The following MPDZ variants were observed in gnomAD, a reference collection of about 807,000 sequenced individuals.
MPDZ encodes the protein multiple PDZ domain crumbs cell polarity complex component.
A neutral mutation model predicts 239.1 loss-of-function variants in MPDZ; 234 were observed. The observed-to-expected ratio is 0.98, with a 90% CI of 0.88 to 1.09. The LOEUF (loss-of-function observed/expected upper bound fraction) is 1.09, where lower values mean the gene tolerates loss of function less well. Among genes scored for constraint, MPDZ ranks in the 50% least tolerant of loss-of-function variants. The pLI is 0.00. For synonymous variants in MPDZ, 1,048 were observed against 881.3 expected, an observed-to-expected ratio of 1.19 and a Z score of -3.35; for missense variants, 3,175 against 2,510.0, an observed-to-expected ratio of 1.26 and a Z score of -5.66.
intron 12 of MPDZ, among the ~76,000 whole-genome samples, chr9:13,198,323 T>C (rs1308853630): frequency 6.6e-6 from 1 of 152,194 alleles, no homozygotes; most frequent in Non-Finnish European, 1.5e-5. Context: ...CATTGTAGTT[T>C]TGACTTGCAT....
In MPDZ at chr9:13,126,681, G is replaced by A. The variant is rs200727071; in HGVS notation, c.4556C>T (p.Thr1519Met). 108 of 1,613,334 alleles carry A rather than the reference G, an allele frequency of 6.7e-5. No homozygotes were observed. Among genetic ancestry groups the A allele is most frequent in the Non-Finnish European group, 8.2e-5 (97 of 1,179,520 alleles). ...GACAGCAAGAAAGGTAAACCTCACC[G>A]TGGCTGCTACCCCATGCTCTGTTAA... is the stretch of plus-strand genomic sequence containing the variant. ...KSLTEHGVAA[T>M]DGRLKVGDQI... The change falls in exon 33 of 47, where the codon ACG becomes ATG. Residue 1519 changes from threonine (T) to methionine (M), a missense_variant and splice_region_variant. Thr to Met is a moderately conservative substitution (Grantham distance 81, BLOSUM62 -1). Coordinates refer to ENST00000319217, the MANE Select transcript of MPDZ (RefSeq NM_001378778.1).
intron 1 of MPDZ, among the ~76,000 whole-genome samples, chr9:13,259,260 T>A (rs1224111000): frequency 6.6e-6 from 1 of 151,964 alleles, no homozygotes; most frequent in Non-Finnish European, 1.5e-5. Flanking sequence ...GCGATTCTCC[T>A]GCCTCAGTCT....
intron 22 of MPDZ, among the ~76,000 whole-genome samples, chr9:13,165,744 C>A (rs1950999004): frequency 6.6e-6 from 1 of 152,124 alleles, no homozygotes; most frequent in Non-Finnish European, 1.5e-5. Context: ...TAAGCAGCTG[C>A]TGCTAAGCAC....
At chr9:13,190,392 T>C (rs1021538763) in intron 15 of MPDZ, 93 bp from the exon 16 acceptor site, 2 of 1,136,006 alleles carry the variant, frequency 1.8e-6, no homozygotes, top group Admixed American at 7.5e-5. Flanking sequence ...CCAGCATCTG[T>C]CCAAACAAAA....
chr9:13,191,447 T>G (rs1316165477), intron 15 of MPDZ, among the ~76,000 whole-genome samples: 6 of 152,140 alleles, frequency 3.9e-5, no homozygotes, highest in Admixed American at 3.9e-4. Context: ...GAAAAGCTGA[T>G]TAGCTCCATT....
At chr9:13,154,235 A>G (rs1324164863) in intron 24 of MPDZ, among the ~76,000 whole-genome samples, 1 of 152,186 alleles carries the variant, frequency 6.6e-6, no homozygotes, top group East Asian at 1.9e-4. Flanking sequence ...AACCAGACTC[A>G]TTTATTCACT....
intron 1 of MPDZ, among the ~76,000 whole-genome samples, chr9:13,255,072 T>C (rs1473672337): frequency 1.3e-5 from 2 of 152,234 alleles, no homozygotes; most frequent in African/African-American, 4.8e-5. Context: ...TAAGGTTATG[T>C]AATAGCCTCA....
In MPDZ at chr9:13,121,881, G is replaced by A; in HGVS notation, c.5089C>T (p.Leu1697=). The change falls in exon 38 of 47, where the codon CTG becomes TTG. Residue 1697 remains leucine (L), a synonymous_variant. Coordinates refer to ENST00000319217, the MANE Select transcript of MPDZ (RefSeq NM_001378778.1). The part of the protein sequence containing the change: ...KATHDEAINV[L]RQTPQRVRLT... The stretch of plus-strand genomic sequence containing the variant: ...CGCACTCTCTGTGGCGTCTGTCTCA[G>A]GACATTGATTGCTTCATCATGTGTG... 8 of 1,613,838 alleles carry A rather than the reference G, an allele frequency of 5.0e-6. No homozygotes were observed. Among genetic ancestry groups the A allele is most frequent in the Non-Finnish European group, 6.8e-6 (8 of 1,179,852 alleles).
At chr9:13,202,035 A>AT (rs1311492431) in intron 12 of MPDZ, among the ~76,000 whole-genome samples, 3 of 151,958 alleles carry the variant, frequency 2.0e-5, no homozygotes, top group Non-Finnish European at 4.4e-5. Context: ...CAATCCTTGT[A>AT]TTTTTACATT....
rs550562149 is a variant in MPDZ, at chr9:13,219,797, CTA to C, written c.877-31_877-30del. 3,522 of 1,587,488 alleles carry C rather than the reference CTA, an allele frequency of 2.2e-3. 6 individuals are homozygous for C. The highest frequency in any genetic ancestry group is 2.8e-3 in the Non-Finnish European group (3,222 of 1,157,712). ...AGTAAAACAATATTGAATAATTAGA[CTA>C]TTATTATTTTAACTGCAACAGATAA... On this transcript the variant is annotated intron_variant, in intron 7 of 46. Coordinates refer to ENST00000319217, the MANE Select transcript of MPDZ (RefSeq NM_001378778.1).
chr9:13,236,553 T>A (rs1964099891), intron 3 of MPDZ, among the ~76,000 whole-genome samples: 1 of 151,416 alleles, frequency 6.6e-6, no homozygotes, highest in East Asian at 2.0e-4. Context: ...AGTGCTGGGA[T>A]TACAGGCGTG....
intron 44 of MPDZ, among the ~76,000 whole-genome samples, chr9:13,110,422 T>A (rs1389006797): frequency 6.6e-6 from 1 of 152,192 alleles, no homozygotes; most frequent in African/African-American, 2.4e-5. Context: ...TTTTTCCCCT[T>A]AAAGTATAAA....
Position 13,229,615 on chromosome 9 carries a change from C to T in MPDZ, c.184-5032G>A, listed in dbSNP as rs551175126. Among the ~76,000 whole-genome samples the T allele has an allele frequency of 5.8e-3, 873 of 150,766 alleles. 12 individuals are homozygous for T. Among genetic ancestry groups the T allele is most frequent in the African/African-American group, 0.02 (836 of 41,126 alleles). Reference sequence around the variant, plus strand: ...ACACACACACACACACCCCCATCCACCCCACACACAATTACCTTAGATTTG... The same window carrying T: ...ACACACACACACACACCCCCATCCATCCCACACACAATTACCTTAGATTTG... On this transcript the variant is annotated intron_variant, in intron 3 of 46. Coordinates refer to ENST00000319217, the MANE Select transcript of MPDZ (RefSeq NM_001378778.1).
At chr9:13,156,937 A>AT (rs1563923061) in intron 24 of MPDZ, among the ~76,000 whole-genome samples, 1 of 152,146 alleles carries the variant, frequency 6.6e-6, no homozygotes, top group African/African-American at 2.4e-5. Context: ...AGAGCTTGGG[A>AT]TTTTTTAAGT....
chr9:13,121,146 C>T (rs886066731), intron 38 of MPDZ, among the ~76,000 whole-genome samples: 2 of 152,170 alleles, frequency 1.3e-5, no homozygotes, highest in Non-Finnish European at 2.9e-5. Flanking sequence ...ACCCGGGCCC[C>T]CTGCTTTAGG....
At chr9:13,113,202 G>A in intron 41 of MPDZ, 148 bp from the exon 42 acceptor site, 1 of 646,356 alleles carries the variant, frequency 1.5e-6, no homozygotes, top group Non-Finnish European at 2.7e-6. Context: ...CACATGATTA[G>A]ATCTGTCTTA....
chr9:13,167,015 G>C (rs541432712), intron 22 of MPDZ, among the ~76,000 whole-genome samples: 1 of 152,140 alleles, frequency 6.6e-6, no homozygotes, highest in South Asian at 2.1e-4. Context: ...GCAGCAGACT[G>C]GTATCAGCAC....
rs1164931988 is a variant in MPDZ, at chr9:13,247,721, G to A, written c.97C>T (p.Leu33=). 4 of 1,613,494 alleles carry A rather than the reference G, an allele frequency of 2.5e-6. No individual in the cohort carries two copies. The highest frequency in any genetic ancestry group is 1.1e-5 in the South Asian group (1 of 91,076). ...TGCAGGACTGACTTCAGAAGGCTCA[G>A]TTTGTCTTCATTTGCTACATCCCCA... ...ERGDVANEDK[L]SLLKSVLQSP... is the part of the protein sequence containing the mutation. Residue 33 remains leucine (L), a synonymous_variant, in exon 3 of 47, where the codon CTG becomes TTG. Coordinates refer to ENST00000319217, the MANE Select transcript of MPDZ (RefSeq NM_001378778.1).
intron 24 of MPDZ, among the ~76,000 whole-genome samples, chr9:13,151,637 G>C (rs1587288620): frequency 6.6e-6 from 1 of 152,016 alleles, no homozygotes; most frequent in East Asian, 1.9e-4. Flanking sequence ...GGGATGGGAA[G>C]AGACAAGAAA....
Sources: allele counts gnomAD v4.1 joint callset (sites outside exome capture counted in the v4.1 genomes callset), GRCh38; gene constraint gnomAD v4.1.1; transcripts MANE v1.5; gene names NCBI Gene and HGNC (gene_info 2026-07-23, HGNC 2026-07-21).